MYLK: variants seen among roughly 807,000 people sequenced by gnomAD.
MYLK encodes myosin light chain kinase, smooth muscle.
MYLK carries 106 observed loss-of-function variants against 203.4 expected under a neutral mutation model. The ratio of observed to expected loss-of-function variants is 0.52; its 90% CI spans 0.45 to 0.61. MYLK has a LOEUF of 0.61. MYLK is among the 20% of genes least tolerant of loss of function. The pLI is 0.00. For synonymous variants in MYLK, 867 were observed against 959.5 expected, an observed-to-expected ratio of 0.90 and a Z score of 1.78; for missense variants, 2,072 against 2,442.3, an observed-to-expected ratio of 0.85 and a Z score of 3.20.
At chr3:123,808,054 G>C (rs1021912480) in intron 3 of MYLK, among the ~76,000 whole-genome samples, 1 of 152,232 alleles carries the variant, frequency 6.6e-6, no homozygotes, top group African/African-American at 2.4e-5. Flanking sequence ...ATGGAGAGCT[G>C]CCAAGCCAAA....
chr3:123,690,225 G>A (rs2060609161), intron 19 of MYLK, among the ~76,000 whole-genome samples: 1 of 152,184 alleles, frequency 6.6e-6, no homozygotes, highest in African/African-American at 2.4e-5. Flanking sequence ...AGTTGCAGCT[G>A]GAGACAGGCT....
intron 5 of MYLK, among the ~76,000 whole-genome samples, chr3:123,743,311 G>T (rs1408387547): frequency 1.3e-5 from 2 of 152,162 alleles, no homozygotes; most frequent in Non-Finnish European, 2.9e-5. Context: ...CTATGTCAGG[G>T]TAAGAGGGTA....
Position 123,880,513 on chromosome 3 carries a change from C to T in MYLK, c.-186+3693G>A, listed in dbSNP as rs564263931. Among the ~76,000 whole-genome samples, 55 of 152,252 alleles carry T rather than the reference C, an allele frequency of 3.6e-4. 2 individuals carry two copies. Among genetic ancestry groups the T allele is most frequent in the Admixed American group, 3.3e-3 (50 of 15,282 alleles). ...GGTCTGAAAGAAAAGGAAATCCTCT[C>T]CTCATCCCTTTTCTTTTGTCTCCAA... On this transcript the variant is annotated intron_variant, in intron 1 of 33. Transcript: ENST00000360304.
Position 123,648,971 on chromosome 3 carries a change from G to T in MYLK, c.4415C>A (p.Ser1472Tyr). The T allele has an allele frequency of 3.7e-6, 6 of 1,613,788 alleles. No individual in the cohort carries two copies. Among genetic ancestry groups the T allele is most frequent in the Non-Finnish European group, 5.1e-6 (6 of 1,179,762 alleles). ...AGAGGCAACTTCCCACTCCACTTAC[G>T]ATCCTAATCTCTCCTCAATGTCGTA... Reference protein sequence around the residue: ...DFYDIEERLGSGKFGQVFRLV... With the variant: ...DFYDIEERLGYGKFGQVFRLV... Residue 1472 changes from serine to tyrosine, a missense_variant and splice_region_variant, in exon 26 of 34, where the codon TCT becomes TAT. Around this residue, in one of 3 missense-constraint regions of MYLK, gnomAD observed 524 missense variants for 782.4 expected, o/e 0.67. Transcript: ENST00000360304. This position sits in a 1 kb window ranked among gnomAD's most constrained non-coding sequence, Gnocchi z 4.5.
At chr3:123,830,704 C>T (rs1261276725) in intron 3 of MYLK, among the ~76,000 whole-genome samples, 2 of 152,100 alleles carry the variant, frequency 1.3e-5, no homozygotes, top group Non-Finnish European at 2.9e-5. Context: ...GACACCCTCA[C>T]CCCAGGCTGA....
chr3:123,823,202 A>G (rs1343466948), intron 3 of MYLK, among the ~76,000 whole-genome samples: 1 of 152,042 alleles, frequency 6.6e-6, no homozygotes, highest in Non-Finnish European at 1.5e-5. Flanking sequence ...TCTCTAAATG[A>G]CTGGCATGCT....
intron 11 of MYLK, among the ~76,000 whole-genome samples, chr3:123,727,980 G>A (rs2062348047): frequency 6.6e-6 from 1 of 152,152 alleles, no homozygotes; most frequent in Non-Finnish European, 1.5e-5. Context: ...CTGCTTCATG[G>A]TAAACTCATC....
At chr3:123,769,325 C>T (rs760867186) in intron 4 of MYLK, among the ~76,000 whole-genome samples, 2 of 152,186 alleles carry the variant, frequency 1.3e-5, no homozygotes, top group Non-Finnish European at 2.9e-5. Context: ...ATATTTTAAA[C>T]CAGAATGGCT....
intron 3 of MYLK, among the ~76,000 whole-genome samples, chr3:123,812,150 A>G (rs1486838104): frequency 6.6e-6 from 1 of 152,140 alleles, no homozygotes; most frequent in Non-Finnish European, 1.5e-5. Context: ...CTTGCCCCCC[A>G]GTTCTGTTCC....
chr3:123,725,909 G>C (rs1322672987), intron 12 of MYLK, 35 bp downstream of exon 12: 1 of 1,608,440 alleles, frequency 6.2e-7, no homozygotes, highest in East Asian at 2.2e-5. Flanking sequence ...GGGCCCAGGG[G>C]ATGGGAGCAG....
At position 123,708,733 on chromosome 3, in the gene MYLK, C is replaced by T. The variant is rs759950113; in HGVS notation, c.2105G>A (p.Gly702Glu). ...TYTCEAWNSAGEVRTQAVLTV... is the reference protein window; with the variant it reads ...TYTCEAWNSAEEVRTQAVLTV... ...GAGCACGGCCTGGGTGCGGACCTCT[C>T]CAGCGCTGTTCCAGGCCTCGCAGGT... Residue 702 changes from glycine (G) to glutamate (E), a missense_variant, in exon 15 of 34, where the codon GGA becomes GAA. Transcript: ENST00000360304. 1.2e-6 allele frequency: 2 copies of T among 1,614,040 alleles called. No individual in the cohort carries two copies. Among genetic ancestry groups the T allele is most frequent in the African/African-American group, 2.7e-5 (2 of 74,934 alleles).
chr3:123,842,047 C>T (rs536959044), intron 2 of MYLK, among the ~76,000 whole-genome samples: 1 of 151,912 alleles, frequency 6.6e-6, no homozygotes, highest in Non-Finnish European at 1.5e-5. Context: ...ATAAATGGAC[C>T]AAATTCACCC....
chr3:123,655,343 TG>T (rs2059359948), intron 24 of MYLK, among the ~76,000 whole-genome samples: 1 of 152,170 alleles, frequency 6.6e-6, no homozygotes, highest in South Asian at 2.1e-4. Context: ...TCCTTTCTCC[TG>T]GTACTGCAAG....
At chr3:123,768,405 T>C (rs943250991) in intron 4 of MYLK, among the ~76,000 whole-genome samples, 3 of 152,198 alleles carry the variant, frequency 2.0e-5, no homozygotes, top group Non-Finnish European at 4.4e-5. Context: ...TTCTCAGCAC[T>C]GACTGCTCAG....
chr3:123,681,781 T>C (rs762704210), intron 20 of MYLK: 5 of 236,168 alleles, frequency 2.1e-5, no homozygotes, highest in Non-Finnish European at 3.4e-5. Context: ...ATGTGGAGCT[T>C]TGCTTGTGGG....
At chr3:123,753,787 T>A (rs1032500444) in intron 4 of MYLK, among the ~76,000 whole-genome samples, 7 of 152,196 alleles carry the variant, frequency 4.6e-5, no homozygotes, top group Non-Finnish European at 8.8e-5. Context: ...CACTGGAAAG[T>A]AGAAGGCATC....
intron 2 of MYLK, among the ~76,000 whole-genome samples, chr3:123,861,187 T>C (rs1196092412): frequency 6.6e-6 from 1 of 151,940 alleles, no homozygotes; most frequent in African/African-American, 2.4e-5. Context: ...GATTGCATGT[T>C]GAGATCATGA....
Position 123,666,202 on chromosome 3 carries a change from C to A in MYLK, c.3831+17G>T. ...TATTCCCAGCACCCCCAGTGCCCAC[C>A]CCATACCGTCACTGACCTGCTTTCG... On this transcript the variant is annotated intron_variant, in intron 22 of 33. Transcript: ENST00000360304. The A allele has an allele frequency of 6.2e-7, 1 of 1,614,206 alleles. No homozygotes were observed. Among genetic ancestry groups the A allele is most frequent in the African/African-American group, 1.3e-5 (1 of 75,050 alleles).
intron 24 of MYLK, among the ~76,000 whole-genome samples, chr3:123,650,760 A>G (rs966705563): frequency 4.6e-5 from 7 of 152,208 alleles, no homozygotes; most frequent in East Asian, 1.9e-4. Context: ...GCATTGTCCA[A>G]TTCACAGGTG....
Sources: allele counts gnomAD v4.1 joint callset (sites outside exome capture counted in the v4.1 genomes callset), GRCh38; gene constraint gnomAD v4.1.1; regional missense constraint gnomAD v4.1.1; non-coding constraint Gnocchi (gnomAD v3.1); transcripts MANE v1.5; gene names NCBI Gene and HGNC (gene_info 2026-07-23, HGNC 2026-07-21).